Variants in HTT observed in about 807,000 individuals in gnomAD.
The protein encoded by HTT is huntingtin.
Under a neutral mutation model 362.3 loss-of-function variants are expected in HTT, and 104 were observed. That is an observed-to-expected ratio of 0.29 (90% CI 0.24 to 0.34). The LOEUF (loss-of-function observed/expected upper bound fraction) is 0.34. Ranked by LOEUF, HTT falls within the 10% of genes least tolerant of loss-of-function variation. HTT has a pLI of 1.00. For synonymous variants in HTT, 1,577 were observed against 1,548.7 expected, an observed-to-expected ratio of 1.02 and a Z score of -0.43; for missense variants, 3,301 against 3,928.6, an observed-to-expected ratio of 0.84 and a Z score of 4.27.
In HTT at chr4:3,222,448, G is replaced by A. The variant is rs747153637; in HGVS notation, c.7431G>A (p.Thr2477=). 21 of 1,614,044 alleles carry A rather than the reference G, an allele frequency of 1.3e-5. No homozygotes were observed. The highest frequency in any genetic ancestry group is 1.5e-5 in the Non-Finnish European group (18 of 1,180,034). The part of the protein sequence containing the change: ...TWATLLGVLV[T]QPLVMEQEES... ...CCACCCTCCTTGGTGTCCTGGTGAC[G>A]CAGCCCCTCGTGATGGAGCAGGAGG... The change falls in exon 54 of 67, where the codon ACG becomes ACA. Residue 2477 remains threonine (T), a synonymous_variant. Transcript: ENST00000355072.
In HTT at chr4:3,207,412, A is replaced by G. The variant is rs363110; in HGVS notation, c.6152+55A>G. The G allele has an allele frequency of 1.4e-3, 1,898 of 1,392,872 alleles. 7 individuals carry two copies. The highest frequency in any genetic ancestry group is 0.011 in the Middle Eastern group (61 of 5,636). The allele number at this position is 1,392,872 out of a possible 1,614,324, so 86.3% of individuals were successfully genotyped here. A position where few individuals can be genotyped will look rare whatever the true frequency, so the allele number is the denominator to read the frequency against. On this transcript the variant is annotated intron_variant, in intron 45 of 66. Transcript: ENST00000355072. ...GTTAGGACAACCCAGGATATAAAGG[A>G]TATAGATTTGTACGGGAATAAATTC...
At chr4:3,099,475 CTG>C in intron 3 of HTT, 81 bp downstream of exon 3, 1 of 1,585,570 alleles carries the variant, frequency 6.3e-7, no homozygotes, top group South Asian at 1.1e-5. Flanking sequence ...GAGTGTTCTT[CTG>C]TTTTGAGTCC....
chr4:3,139,958 AG>A (rs1236290737), intron 21 of HTT, among the ~76,000 whole-genome samples: 2 of 152,228 alleles, frequency 1.3e-5, no homozygotes, highest in Non-Finnish European at 2.9e-5. Flanking sequence ...GACAGACAAA[AG>A]AAAGTACAGC....
In HTT at chr4:3,228,113, G is replaced by A. The variant is rs1721007474; in HGVS notation, c.7849-502G>A. ...GCCCACAGCACTGTGCCAAGTGCTC[G>A]AGGCTTCCCGAGAACCAGGCAGAAA... On this transcript the variant is annotated intron_variant, in intron 57 of 66. Transcript: ENST00000355072. The surrounding 1 kb of genome is among the most constrained non-coding windows in gnomAD (Gnocchi z 4.3). Among the ~76,000 whole-genome samples, 1 of 152,202 alleles carries A rather than the reference G, an allele frequency of 6.6e-6. No homozygotes were observed. The highest frequency in any genetic ancestry group is 1.5e-5 in the Non-Finnish European group (1 of 68,022).
intron 2 of HTT, among the ~76,000 whole-genome samples, chr4:3,098,488 A>C (rs1214725873): frequency 6.6e-6 from 1 of 152,230 alleles, no homozygotes; most frequent in Non-Finnish European, 1.5e-5. Flanking sequence ...TACTTCAAGA[A>C]CATCCTTGTG....
chr4:3,159,217 C>A (rs1225508467), intron 28 of HTT, among the ~76,000 whole-genome samples: 1 of 152,156 alleles, frequency 6.6e-6, no homozygotes, highest in Non-Finnish European at 1.5e-5. Context: ...GGTTTCGAGT[C>A]TCCACAGAAC....
intron 60 of HTT, among the ~76,000 whole-genome samples, chr4:3,231,964 T>C (rs1006148343): frequency 5.3e-5 from 8 of 152,198 alleles, no homozygotes; most frequent in African/African-American, 1.9e-4. Context: ...TTCTGGAAGA[T>C]GGCCATCCTC....
chr4:3,150,611 C>T (rs2110208203), intron 26 of HTT, among the ~76,000 whole-genome samples: 1 of 152,332 alleles, frequency 6.6e-6, no homozygotes, highest in South Asian at 2.1e-4. Context: ...CACAAGTCTT[C>T]ATTTCCACTC....
chr4:3,204,054 G>C lies in HTT; in HGVS notation c.5624G>C (p.Gly1875Ala), dbSNP rs1302187006. ...STKLLSPQMS[G>A]EEEDSDLAAK... ...AAGTTACTTAGTCCCCAGATGTCTG[G>C]AGAAGAGGAGGATTCTGACTTGGCA... Residue 1875 changes from glycine (G) to alanine (A), a missense_variant, in exon 42 of 67, where the codon GGA (glycine) becomes GCA (alanine). Physicochemically the swap from Gly to Ala is moderately conservative, Grantham distance 60 (BLOSUM62 0). Around this residue, in one of 4 missense-constraint regions of HTT, gnomAD observed 2,316 missense variants for 2,658.5 expected, o/e 0.87. Transcript: ENST00000355072. 1 of 1,614,134 alleles carries C rather than the reference G, an allele frequency of 6.2e-7. No homozygotes were observed. Among genetic ancestry groups the C allele is most frequent in the Non-Finnish European group, 8.5e-7 (1 of 1,179,950 alleles).
Position 3,224,774 on chromosome 4 carries a change from T to A in HTT, c.7765+643T>A, listed in dbSNP as rs539286283. On this transcript the variant is annotated intron_variant, in intron 56 of 66. Transcript: ENST00000355072. ...CTTGAAGGCTTTAATTGCAGAAAGT[T>A]CTATGTGGACGTGCAATGTGTTATA... 1.5e-3 allele frequency among the ~76,000 whole-genome samples: 221 copies of A among 152,318 alleles called. 1 individual carries two copies. The highest frequency in any genetic ancestry group is 5.1e-3 in the African/African-American group (210 of 41,552).
intron 35 of HTT, 146 bp downstream of exon 35, chr4:3,178,592 G>A: frequency 1.5e-6 from 1 of 659,374 alleles, no homozygotes; most frequent in Non-Finnish European, 2.6e-6. Flanking sequence ...GAAGGTACTG[G>A]TTAGAGACGT....
chr4:3,213,945 T>G lies in HTT; in HGVS notation c.6775-13T>G. ...CACGAGTGGGCATTCTGTGACTCGG[T>G]ACTTCCCTTTAGGCCCTGTCCTGGC... On this transcript the variant is annotated splice_polypyrimidine_tract_variant and intron_variant, in intron 49 of 66. Coordinates refer to ENST00000355072, the MANE Select transcript of HTT (RefSeq NM_001388492.1). 6.6e-7 allele frequency: 1 copy of G among 1,521,822 alleles called. No homozygotes were observed. The highest frequency in any genetic ancestry group is 1.8e-4 in the Middle Eastern group (1 of 5,672). The allele number at this position is 1,521,822 out of a possible 1,614,324, so 94.3% of individuals were successfully genotyped here.
chr4:3,222,156 G>T (rs1720704004), intron 53 of HTT, among the ~76,000 whole-genome samples: 1 of 152,272 alleles, frequency 6.6e-6, no homozygotes, highest in South Asian at 2.1e-4. Flanking sequence ...TGTGCCACCT[G>T]CCTCTCATGT....
At position 3,235,594 on chromosome 4, in the gene HTT, G is replaced by A. The variant is rs762263931; in HGVS notation, c.8601G>A (p.Glu2867=). The A allele has an allele frequency of 2.2e-5, 36 of 1,613,870 alleles. No individual in the cohort carries two copies. The highest frequency in any genetic ancestry group is 3.0e-5 in the Non-Finnish European group (35 of 1,180,012). The stretch of plus-strand genomic sequence containing the variant: ...GTGGGGTGATGCTGTCTGGAAGTGA[G>A]GAGTCCACCCCCTCCATCATTTACC... ...QMCGVMLSGS[E]ESTPSIIYHC... is the part of the protein sequence containing the mutation. The change falls in exon 63 of 67, where the codon GAG becomes GAA. Residue 2867 remains glutamate, a synonymous_variant. Coordinates refer to ENST00000355072, the MANE Select transcript of HTT (RefSeq NM_001388492.1).
At position 3,115,960 on chromosome 4, in the gene HTT, G is replaced by A. The variant is rs534637486; in HGVS notation, c.890-125G>A. 1.2e-3 allele frequency: 1,044 copies of A among 869,358 alleles called. 6 individuals carry two copies. Among genetic ancestry groups the A allele is most frequent in the Non-Finnish European group, 1.8e-3 (938 of 534,978 alleles). The allele number at this position is 869,358 out of a possible 1,614,324, so 53.9% of individuals were successfully genotyped here. ...AGCCATTCCCAGTGGGCCTCATGGC[G>A]TACTCGTTCATGATCATGTTTGTGC... On this transcript the variant is annotated intron_variant, in intron 7 of 66. Coordinates refer to ENST00000355072, the MANE Select transcript of HTT (RefSeq NM_001388492.1).
chr4:3,199,965 A>G, intron 41 of HTT, 26 bp downstream of exon 41: 5 of 1,586,576 alleles, frequency 3.2e-6, no homozygotes, highest in Non-Finnish European at 4.3e-6. Flanking sequence ...CCCACAGCCC[A>G]GGGCGCCAGC....
chr4:3,172,577 C>T (rs1718041988), intron 30 of HTT, among the ~76,000 whole-genome samples, 180 bp downstream of exon 30: 1 of 152,194 alleles, frequency 6.6e-6, no homozygotes, highest in African/African-American at 2.4e-5. Flanking sequence ...CTTCACTCCC[C>T]AGGAGGACGA....
At chr4:3,078,309 A>G (rs1712673546) in intron 1 of HTT, among the ~76,000 whole-genome samples, 1 of 152,230 alleles carries the variant, frequency 6.6e-6, no homozygotes, top group Admixed American at 6.5e-5. Flanking sequence ...GAGCAGACAA[A>G]GCTCTGCCCT....
rs764409321 is a variant in HTT at position 3,115,295 on chromosome 4, C to T, written c.748-9C>T. ...CATCTTTTATCTACTTGGACTTTTG[C>T]TTCCGTAGGTTTTGTTAAAGGCCTT... On this transcript the variant is annotated splice_polypyrimidine_tract_variant and intron_variant, in intron 6 of 66. Coordinates refer to ENST00000355072, the MANE Select transcript of HTT (RefSeq NM_001388492.1). 2 of 1,611,934 alleles carry T rather than the reference C, an allele frequency of 1.2e-6. No homozygotes were observed. The highest frequency in any genetic ancestry group is 1.1e-5 in the South Asian group (1 of 90,802).
Sources: allele counts gnomAD v4.1 joint callset (sites outside exome capture counted in the v4.1 genomes callset), GRCh38; gene constraint gnomAD v4.1.1; regional missense constraint gnomAD v4.1.1; non-coding constraint Gnocchi (gnomAD v3.1); transcripts MANE v1.5; gene names NCBI Gene and HGNC (gene_info 2026-07-23, HGNC 2026-07-21).